Variants in SDK1 observed in about 807,000 individuals in gnomAD.
The protein encoded by SDK1 is protein sidekick-1.
In SDK1, 157 loss-of-function variants were observed where a neutral mutation model predicts 245.5. That is an observed-to-expected ratio of 0.64 (90% CI 0.56 to 0.73). SDK1 has a LOEUF of 0.73. Among genes scored for constraint, SDK1 ranks in the 30% least tolerant of loss-of-function variants. The pLI is 0.00. For synonymous variants in SDK1, 1,647 were observed against 1,278.5 expected (o/e 1.29, Z -6.15); for missense variants, 3,583 against 3,002.3 (o/e 1.19, Z -4.52).
chr7:4,194,512 C>G (rs1783469568), intron 35 of SDK1, among the ~76,000 whole-genome samples: 1 of 151,634 alleles, frequency 6.6e-6, no homozygotes, highest in Non-Finnish European at 1.5e-5. Context: ...TAAGTATTAA[C>G]TTACAGGATC....
chr7:3,738,172 C>A (rs547026921), intron 4 of SDK1, among the ~76,000 whole-genome samples: 11 of 152,152 alleles, frequency 7.2e-5, no homozygotes, highest in Non-Finnish European at 1.3e-4. Flanking sequence ...TAAGTGCTTT[C>A]AATTTTAGGT....
chr7:3,782,538 C>G (rs745949565), intron 4 of SDK1, among the ~76,000 whole-genome samples: 4 of 152,062 alleles, frequency 2.6e-5, no homozygotes, highest in African/African-American at 9.7e-5. Context: ...TATCAAAAAT[C>G]AAAGACAAAA....
At chr7:4,166,815 T>G (rs1781528247) in intron 32 of SDK1, among the ~76,000 whole-genome samples, 1 of 152,186 alleles carries the variant, frequency 6.6e-6, no homozygotes, top group South Asian at 2.1e-4. Flanking sequence ...TCTCTAGAAC[T>G]AGGAGAGTTA....
intron 4 of SDK1, among the ~76,000 whole-genome samples, chr7:3,696,442 C>A (rs188260867): frequency 1.3e-5 from 2 of 152,142 alleles, no homozygotes; most frequent in South Asian, 4.1e-4. Context: ...GGATCACTAA[C>A]TGATAGGCAT....
At chr7:3,422,663 G>T (rs1257290365) in intron 1 of SDK1, among the ~76,000 whole-genome samples, 1 of 152,088 alleles carries the variant, frequency 6.6e-6, no homozygotes, top group Non-Finnish European at 1.5e-5. Context: ...TCTTTCTGTA[G>T]CTCTGAGTTT....
intron 26 of SDK1, among the ~76,000 whole-genome samples, chr7:4,127,758 G>A (rs1163164925): frequency 6.6e-6 from 1 of 152,236 alleles, no homozygotes; most frequent in African/African-American, 2.4e-5. Flanking sequence ...TGACCTCCGG[G>A]CCTGCGCCTG....
At chr7:4,236,451 G>C (rs1033051835) in intron 41 of SDK1, among the ~76,000 whole-genome samples, 1 of 152,124 alleles carries the variant, frequency 6.6e-6, no homozygotes, top group Admixed American at 6.5e-5. Context: ...AGGGCCAGTC[G>C]TTCAGCTTGG....
Position 4,208,215 on chromosome 7 carries a change from C to T in SDK1, c.5331C>T (p.Ser1777=), listed in dbSNP as rs781226269. 132 of 1,613,996 alleles carry T rather than the reference C, an allele frequency of 8.2e-5. No homozygotes were observed. The highest frequency in any genetic ancestry group is 1.1e-4 in the Non-Finnish European group (126 of 1,180,006). ...NLTSHTKYLV[S]ISAFNAAGDG... ...CCAGCCATACCAAGTACCTGGTCAGCATATCAGCCTTCAACGCCGCCGGAG... is the reference window on the plus strand; with the variant it reads ...CCAGCCATACCAAGTACCTGGTCAGTATATCAGCCTTCAACGCCGCCGGAG... The change falls in exon 37 of 45, where the codon AGC becomes AGT. Residue 1777 remains serine, a synonymous_variant. Transcript: ENST00000404826.
intron 22 of SDK1, among the ~76,000 whole-genome samples, chr7:4,106,037 G>A (rs545849960): frequency 1.2e-4 from 19 of 152,216 alleles, no homozygotes; most frequent in African/African-American, 4.6e-4. Flanking sequence ...GGCGGGAAGG[G>A]CAGGGTAGTT....
intron 4 of SDK1, among the ~76,000 whole-genome samples, chr7:3,773,090 A>G (rs1780448529): frequency 6.6e-6 from 1 of 152,170 alleles, no homozygotes; most frequent in Admixed American, 6.5e-5. Flanking sequence ...CTTTCCTCAA[A>G]TTTGGGAAGT....
At chr7:4,248,364 A>G (rs1000105210) in intron 44 of SDK1, among the ~76,000 whole-genome samples, 6 of 151,990 alleles carry the variant, frequency 3.9e-5, no homozygotes, top group African/African-American at 1.5e-4. Flanking sequence ...ACGTTTACCT[A>G]AATACAACAT....
At chr7:3,482,367 G>GC (rs1781546571) in intron 1 of SDK1, among the ~76,000 whole-genome samples, 2 of 152,280 alleles carry the variant, frequency 1.3e-5, no homozygotes, top group African/African-American at 4.8e-5. Flanking sequence ...GAACTCAAGG[G>GC]CCGGGAGTGT....
intron 20 of SDK1, among the ~76,000 whole-genome samples, chr7:4,074,856 T>TACTTTCCCTCTCTCTCTC (rs1486926440): frequency 9.7e-5 from 7 of 72,308 alleles, no homozygotes; most frequent in South Asian, 1.0e-3. Flanking sequence ...GAGCAAGACT[T>TACTTTCCCTCTCTCTCTC]TCTCTCTCTC....
chr7:3,907,115 CT>C (rs59798410), intron 5 of SDK1, among the ~76,000 whole-genome samples: 3 of 151,932 alleles, frequency 2.0e-5, no homozygotes, highest in South Asian at 2.1e-4. Context: ...TATATTCTCT[CT>C]TTTTTTATTA....
chr7:3,784,718 T>A (rs190332576), intron 4 of SDK1, among the ~76,000 whole-genome samples: 1 of 152,188 alleles, frequency 6.6e-6, no homozygotes, highest in African/African-American at 2.4e-5. Flanking sequence ...TAACATGTGT[T>A]GGCCAGGATG....
rs537004723 is a variant in SDK1, at chr7:3,840,545, G to T, written c.847+18962G>T. On this transcript the variant is annotated intron_variant, in intron 5 of 44. Transcript: ENST00000404826. ...ACTTGTTAGAAATGCAGAATTTGGG[G>T]CTCCATGTCAGCCCTCCTGAATCAA... Among the ~76,000 whole-genome samples the T allele has an allele frequency of 5.9e-5, 9 of 152,234 alleles. No individual in the cohort carries two copies. The East Asian group carries it at 1.7e-3, about 29-fold the overall frequency.
chr7:3,684,375 A>G (rs1033471927), intron 4 of SDK1, among the ~76,000 whole-genome samples: 2 of 152,220 alleles, frequency 1.3e-5, no homozygotes, highest in African/African-American at 4.8e-5. Context: ...TAAAGTGCAT[A>G]CTGAAGCTCA....
Position 4,084,471 on chromosome 7 carries a change from G to A in SDK1, c.3324+4887G>A, listed in dbSNP as rs563226017. Reference sequence around the variant, plus strand: ...CTGCCTCAAGCTGAGATGGAGCCATGCCTGCAGGGCCTTGGTTTCATGAGT... The same window carrying A: ...CTGCCTCAAGCTGAGATGGAGCCATACCTGCAGGGCCTTGGTTTCATGAGT... On this transcript the variant is annotated intron_variant, in intron 22 of 44. Coordinates refer to ENST00000404826, the MANE Select transcript of SDK1 (RefSeq NM_152744.4). Among the ~76,000 whole-genome samples, 33 of 152,296 alleles carry A rather than the reference G, an allele frequency of 2.2e-4. 1 individual carries two copies. The highest frequency in any genetic ancestry group is 7.7e-4 in the African/African-American group (32 of 41,562).
chr7:3,330,004 T>C (rs1206943124), intron 1 of SDK1, among the ~76,000 whole-genome samples: 1 of 152,236 alleles, frequency 6.6e-6, no homozygotes, highest in Non-Finnish European at 1.5e-5. Flanking sequence ...ACCAATCCGC[T>C]ATGGATACCA....
Sources: gnomAD v4.1 joint callset for allele counts (sites outside exome capture counted in the v4.1 genomes callset) on GRCh38, gnomAD v4.1.1 for gene constraint, MANE v1.5 for transcripts, NCBI Gene and HGNC (gene_info 2026-07-23, HGNC 2026-07-21) for gene names.